Variants in B4GAT1 observed in about 807,000 individuals in gnomAD.
B4GAT1 encodes N-acetyllactosaminide beta-1,3-N-acetylglucosaminyltransferase.
In B4GAT1, 18 loss-of-function variants were observed where a neutral mutation model predicts 35.0. That is an observed-to-expected ratio of 0.51 (90% CI 0.36 to 0.76). The LOEUF (loss-of-function observed/expected upper bound fraction) is 0.76, where lower values mean the gene tolerates loss of function less well. Among genes scored for constraint, B4GAT1 ranks in the 30% least tolerant of loss-of-function variants. The pLI, the probability that B4GAT1 is intolerant of heterozygous loss-of-function variation, is 0.01. For synonymous variants in B4GAT1, 217 were observed against 251.6 expected, an observed-to-expected ratio of 0.86 and a Z score of 1.30; for missense variants, 458 against 555.0, an observed-to-expected ratio of 0.83 and a Z score of 1.76.
At position 66,346,917 on chromosome 11, in the gene B4GAT1, T is replaced by G; in HGVS notation, c.629A>C (p.Asn210Thr). Residue 210 changes from asparagine to threonine, a missense_variant, in exon 1 of 2, where the codon AAC (asparagine) becomes ACC (threonine). Physicochemically the swap from Asn to Thr is moderately conservative, Grantham distance 65 (BLOSUM62 0). Coordinates refer to ENST00000311181, the MANE Select transcript of B4GAT1 (RefSeq NM_006876.3). This position sits in a 1 kb window ranked among gnomAD's most constrained non-coding sequence, Gnocchi z 6.1. ...ALGTNVSYPN[N>T]LLRNLAREGA... ...CTCACGAGCCAGATTCCTCAGCAGG[T>G]TATTGGGGTAGGAGACATTGGTGCC... 5.0e-6 allele frequency: 8 copies of G among 1,613,588 alleles called. No homozygotes were observed. Among genetic ancestry groups the G allele is most frequent in the Non-Finnish European group, 6.8e-6 (8 of 1,179,934 alleles).
At position 66,346,552 on chromosome 11, in the gene B4GAT1, C is replaced by T. The variant is rs775935595; in HGVS notation, c.994G>A (p.Gly332Arg). 4 of 1,613,616 alleles carry T rather than the reference C, an allele frequency of 2.5e-6. No homozygotes were observed. Among genetic ancestry groups the T allele is most frequent in the Admixed American group, 3.3e-5 (2 of 60,020 alleles). ...TCGTCGAAGGTGGGCACCTTGCCTCCTGCCACGTAGAATGGCTCCCAGGGG... is the reference window on the plus strand; with the variant it reads ...TCGTCGAAGGTGGGCACCTTGCCTCTTGCCACGTAGAATGGCTCCCAGGGG... Reference protein sequence around the residue: ...QDPWEPFYVAGGKVPTFDERF... With the variant: ...QDPWEPFYVARGKVPTFDERF... The change falls in exon 1 of 2, where the codon GGA (glycine) becomes AGA (arginine). Residue 332 changes from glycine (G) to arginine (R), a missense_variant. Gly to Arg is a moderately radical substitution (Grantham distance 125). Coordinates refer to ENST00000311181, the MANE Select transcript of B4GAT1 (RefSeq NM_006876.3). The surrounding 1 kb of genome is among the most constrained non-coding windows in gnomAD (Gnocchi z 6.1).
chr11:66,346,514 C>T lies in B4GAT1; in HGVS notation c.1032G>A (p.Gln344=). The T allele has an allele frequency of 1.2e-6, 2 of 1,609,854 alleles. No individual in the cohort carries two copies. The highest frequency in any genetic ancestry group is 2.2e-5 in the South Asian group (2 of 90,844). The stretch of plus-strand genomic sequence containing the variant: ...CCTGGCTGATTCGGTTGAAGCCGTA[C>T]TGCCGAAAGCGCTCGTCGAAGGTGG... ...KVPTFDERFR[Q]YGFNRISQAC... Residue 344 remains glutamine (Q), a synonymous_variant, in exon 1 of 2, where the codon CAG becomes CAA. Coordinates refer to ENST00000311181, the MANE Select transcript of B4GAT1 (RefSeq NM_006876.3). This position sits in a 1 kb window ranked among gnomAD's most constrained non-coding sequence, Gnocchi z 6.1.
chr11:66,345,888 G>A lies in B4GAT1; in HGVS notation c.*161C>T. Reference sequence around the variant, plus strand: ...ACTCAAGGCCACACAGCTAGTTAGTGGTAAAGCTAGGAATCGATCCCAGCA... The same window carrying A: ...ACTCAAGGCCACACAGCTAGTTAGTAGTAAAGCTAGGAATCGATCCCAGCA... On this transcript the variant is annotated 3_prime_UTR_variant, in exon 2 of 2. Coordinates refer to ENST00000311181, the MANE Select transcript of B4GAT1 (RefSeq NM_006876.3). 6.9e-6 allele frequency: 5 copies of A among 720,486 alleles called. No individual in the cohort carries two copies. The highest frequency in any genetic ancestry group is 2.6e-5 in the East Asian group (1 of 38,000). 44.6% of individuals were successfully genotyped at this position (720,486 alleles called of 1,614,324 possible). A position where few individuals can be genotyped will look rare whatever the true frequency, so the allele number is the denominator to read the frequency against.
rs1185633675 is a variant in B4GAT1, at chr11:66,345,374, T to A, written c.*675A>T. On this transcript the variant is annotated 3_prime_UTR_variant, in exon 2 of 2. Transcript: ENST00000311181. Reference sequence around the variant, plus strand: ...CTCAGGAGAGTAACGGAGCCAGCTGTGGGTGTGAACACGCATTTATTTACA... The same window carrying A: ...CTCAGGAGAGTAACGGAGCCAGCTGAGGGTGTGAACACGCATTTATTTACA... The A allele has an allele frequency of 6.6e-6, 1 of 152,236 alleles. No individual in the cohort carries two copies. The highest frequency in any genetic ancestry group is 1.5e-5 in the Non-Finnish European group (1 of 68,058). 9.4% of individuals were successfully genotyped at this position (152,236 alleles called of 1,614,324 possible).
Position 66,346,397 on chromosome 11 carries a change from A to G in B4GAT1, c.1056+93T>C. On this transcript the variant is annotated intron_variant, in intron 1 of 1. Transcript: ENST00000311181. The surrounding 1 kb of genome is among the most constrained non-coding windows in gnomAD (Gnocchi z 6.1). ...CCTGAACTATGATCCCTCCTGCTTC[A>G]TTGCCTCCTTTCCATCCAGGGCCAC... 1 of 1,539,754 alleles carries G rather than the reference A, an allele frequency of 6.5e-7. No individual in the cohort carries two copies. The highest frequency in any genetic ancestry group is 1.3e-5 in the South Asian group (1 of 79,502).
In B4GAT1 at chr11:66,345,937, C is replaced by G. The variant is rs766917755; in HGVS notation, c.*112G>C. Reference sequence around the variant, plus strand: ...CACCCCATATCCAAGTCCAGTGTTTCAACACCACAGCTACCTCTGTAAAGT... The same window carrying G: ...CACCCCATATCCAAGTCCAGTGTTTGAACACCACAGCTACCTCTGTAAAGT... On this transcript the variant is annotated 3_prime_UTR_variant, in exon 2 of 2. Coordinates refer to ENST00000311181, the MANE Select transcript of B4GAT1 (RefSeq NM_006876.3). The G allele has an allele frequency of 8.1e-7, 1 of 1,227,960 alleles. No homozygotes were observed. Among genetic ancestry groups the G allele is most frequent in the African/African-American group, 1.5e-5 (1 of 66,180 alleles). The allele number at this position is 1,227,960 out of a possible 1,614,324, so 76.1% of individuals were successfully genotyped here.
In B4GAT1 at chr11:66,347,139, G is replaced by T; in HGVS notation, c.407C>A (p.Thr136Lys). The T allele has an allele frequency of 1.3e-6, 2 of 1,593,306 alleles. No homozygotes were observed. Among genetic ancestry groups the T allele is most frequent in the African/African-American group, 1.3e-5 (1 of 74,608 alleles). The change falls in exon 1 of 2, where the codon ACG becomes AAG. Residue 136 changes from threonine to lysine, a missense_variant. Thr to Lys is a moderately conservative substitution (Grantham distance 78). Coordinates refer to ENST00000311181, the MANE Select transcript of B4GAT1 (RefSeq NM_006876.3). This position sits in a 1 kb window ranked among gnomAD's most constrained non-coding sequence, Gnocchi z 6.3. ...GCTGCTCAGCGCGTAGGCCAGCACC[G>T]TGGCCAGCTGCGCCTCCTCCTTGGT... ...AATKEEAQLA[T>K]VLAYALSSHC...
chr11:66,346,411 A>T lies in B4GAT1; in HGVS notation c.1056+79T>A. The T allele has an allele frequency of 6.5e-7, 1 of 1,543,436 alleles. No homozygotes were observed. The highest frequency in any genetic ancestry group is 2.3e-5 in the East Asian group (1 of 44,220). On this transcript the variant is annotated intron_variant, in intron 1 of 1. Transcript: ENST00000311181. The surrounding 1 kb of genome is among the most constrained non-coding windows in gnomAD (Gnocchi z 6.1). Reference sequence around the variant, plus strand: ...CCTCCTGCTTCATTGCCTCCTTTCCATCCAGGGCCACTCCTCATAACTCCC... The same window carrying T: ...CCTCCTGCTTCATTGCCTCCTTTCCTTCCAGGGCCACTCCTCATAACTCCC...
chr11:66,347,131 C>CTGCT lies in B4GAT1; in HGVS notation c.414_415insAGCA (p.Ala139SerfsTer50), dbSNP rs750375661. On this transcript the variant is annotated frameshift_variant, in exon 1 of 2. Transcript: ENST00000311181. LOFTEE classifies it high-confidence loss of function. The surrounding 1 kb of genome is among the most constrained non-coding windows in gnomAD (Gnocchi z 6.3). ...GGGCAGTGGCTGCTCAGCGCGTAGG[C>CTGCT]CAGCACCGTGGCCAGCTGCGCCTCC... The CTGCT allele has an allele frequency of 8.2e-6, 13 of 1,593,660 alleles. No homozygotes were observed. The highest frequency in any genetic ancestry group is 4.3e-6 in the Non-Finnish European group (5 of 1,171,536).
In B4GAT1 at chr11:66,345,749, A is replaced by T. The variant is rs1855199900; in HGVS notation, c.*300T>A. ...CTTCACATTTGTACGAAGCTTACAG[A>T]ATGTTTTCACATATAGCATCTCATC... On this transcript the variant is annotated 3_prime_UTR_variant, in exon 2 of 2. Transcript: ENST00000311181. 1 of 356,252 alleles carries T rather than the reference A, an allele frequency of 2.8e-6. No homozygotes were observed. The allele number at this position is 356,252 out of a possible 1,614,324, so 22.1% of individuals were successfully genotyped here.
Position 66,345,528 on chromosome 11 carries a change from A to C in B4GAT1, c.*521T>G, listed in dbSNP as rs1361626655. On this transcript the variant is annotated 3_prime_UTR_variant, in exon 2 of 2. Coordinates refer to ENST00000311181, the MANE Select transcript of B4GAT1 (RefSeq NM_006876.3). ...AAGGCGAAGCCCTGAGAGAACCAGG[A>C]ATTTTAGGCTTCTGTTCAAGAGCTA... The C allele has an allele frequency of 6.6e-6, 1 of 152,564 alleles. No individual in the cohort carries two copies. Among genetic ancestry groups the C allele is most frequent in the Non-Finnish European group, 1.5e-5 (1 of 68,300 alleles). The allele number at this position is 152,564 out of a possible 1,614,324, so 9.5% of individuals were successfully genotyped here. A position where few individuals can be genotyped will look rare whatever the true frequency, so the allele number is the denominator to read the frequency against.
Position 66,347,516 on chromosome 11 carries a change from G to C in B4GAT1, c.30C>G (p.Ala10=), listed in dbSNP as rs1375971601. 2.0e-6 allele frequency: 3 copies of C among 1,504,088 alleles called. No individual in the cohort carries two copies. Among genetic ancestry groups the C allele is most frequent in the Non-Finnish European group, 1.8e-6 (2 of 1,128,642 alleles). The allele number at this position is 1,504,088 out of a possible 1,614,324, so 93.2% of individuals were successfully genotyped here. A position where few individuals can be genotyped will look rare whatever the true frequency, so the allele number is the denominator to read the frequency against. Residue 10 remains alanine, a synonymous_variant, in exon 1 of 2, where the codon GCC becomes GCG. Coordinates refer to ENST00000311181, the MANE Select transcript of B4GAT1 (RefSeq NM_006876.3). This position sits in a 1 kb window ranked among gnomAD's most constrained non-coding sequence, Gnocchi z 6.3. The part of the protein sequence containing the change: MQMSYAIRC[A]FYQLLLAALM... ...GCGCGGCCAGCAGCAGCTGGTAGAA[G>C]GCGCACCGGATGGCGTAGGACATCT...
rs1367398321 is a variant in B4GAT1 at position 66,347,027 on chromosome 11, C to T, written c.519G>A (p.Pro173=). 1.9e-6 allele frequency: 3 copies of T among 1,590,260 alleles called. No homozygotes were observed. Among genetic ancestry groups the T allele is most frequent in the Non-Finnish European group, 2.6e-6 (3 of 1,169,762 alleles). The change falls in exon 1 of 2, where the codon CCG becomes CCA. Residue 173 remains proline, a synonymous_variant. Transcript: ENST00000311181. The surrounding 1 kb of genome is among the most constrained non-coding windows in gnomAD (Gnocchi z 6.3). The stretch of plus-strand genomic sequence containing the variant: ...AGGACCGCAGCAGGGCAAACTCCCC[C>T]GGCTCCCGGGGGTCGGGCACGGCTG... ...YEAAVPDPRE[P]GEFALLRSCQ...
At position 66,346,380 on chromosome 11, in the gene B4GAT1, A is replaced by G; in HGVS notation, c.1056+110T>C. On this transcript the variant is annotated intron_variant, in intron 1 of 1. Coordinates refer to ENST00000311181, the MANE Select transcript of B4GAT1 (RefSeq NM_006876.3). This position sits in a 1 kb window ranked among gnomAD's most constrained non-coding sequence, Gnocchi z 6.1. ...ACACCATCCACCCACCTCCTGAACT[A>G]TGATCCCTCCTGCTTCATTGCCTCC... 2 of 1,538,660 alleles carry G rather than the reference A, an allele frequency of 1.3e-6. No homozygotes were observed. Among genetic ancestry groups the G allele is most frequent in the Non-Finnish European group, 1.7e-6 (2 of 1,143,438 alleles).
At position 66,346,103 on chromosome 11, in the gene B4GAT1, G is replaced by A. The variant is rs775251581; in HGVS notation, c.1194C>T (p.Arg398=). Residue 398 remains arginine (R), a synonymous_variant, in exon 2 of 2, where the codon CGC becomes CGT. Transcript: ENST00000311181. This position sits in a 1 kb window ranked among gnomAD's most constrained non-coding sequence, Gnocchi z 6.1. ...TGGCCTTCAACTCCTGTTTGAACTGGCGATATAGGATCTTATTGTGCTGAT... is the reference window on the plus strand; with the variant it reads ...TGGCCTTCAACTCCTGTTTGAACTGACGATATAGGATCTTATTGTGCTGAT... The part of the protein sequence containing the change: ...AENQHNKILY[R]QFKQELKAKY... 3 of 1,614,148 alleles carry A rather than the reference G, an allele frequency of 1.9e-6. No individual in the cohort carries two copies. The highest frequency in any genetic ancestry group is 2.5e-6 in the Non-Finnish European group (3 of 1,179,998).
rs1305638431 is a variant in B4GAT1, at chr11:66,346,319, G to A, written c.1057-79C>T. 5.1e-6 allele frequency: 8 copies of A among 1,569,404 alleles called. No individual in the cohort carries two copies. The African/African-American group carries it at 1.1e-4, about 21-fold the overall frequency. ...CTGACTTCCCTAAAGCCACAGTCCA[G>A]CGTCCTCACCCCTCTGGAAGTATCC... is the stretch of plus-strand genomic sequence containing the variant. On this transcript the variant is annotated intron_variant, in intron 1 of 1. Transcript: ENST00000311181. The surrounding 1 kb of genome is among the most constrained non-coding windows in gnomAD (Gnocchi z 6.1).
chr11:66,347,547 G>T lies in B4GAT1; in HGVS notation c.-2C>A. On this transcript the variant is annotated 5_prime_UTR_variant, in exon 1 of 2. Transcript: ENST00000311181. This position sits in a 1 kb window ranked among gnomAD's most constrained non-coding sequence, Gnocchi z 6.3. ...CCGGATGGCGTAGGACATCTGCATGGCTCTCGGGGCTCGGGGCGCGCAGCA... is the reference window on the plus strand; with the variant it reads ...CCGGATGGCGTAGGACATCTGCATGTCTCTCGGGGCTCGGGGCGCGCAGCA... 7.5e-7 allele frequency: 1 copy of T among 1,333,770 alleles called. No individual in the cohort carries two copies. Among genetic ancestry groups the T allele is most frequent in the East Asian group, 2.8e-5 (1 of 35,410 alleles). 82.6% of individuals were successfully genotyped at this position (1,333,770 alleles called of 1,614,324 possible).
rs779043130 is a variant in B4GAT1 at position 66,347,558 on chromosome 11, T to G, written c.-13A>C. ...AGGACATCTGCATGGCTCTCGGGGCTCGGGGCGCGCAGCAACGACCACCCG... is the reference window on the plus strand; with the variant it reads ...AGGACATCTGCATGGCTCTCGGGGCGCGGGGCGCGCAGCAACGACCACCCG... On this transcript the variant is annotated 5_prime_UTR_variant, in exon 1 of 2. Coordinates refer to ENST00000311181, the MANE Select transcript of B4GAT1 (RefSeq NM_006876.3). The surrounding 1 kb of genome is among the most constrained non-coding windows in gnomAD (Gnocchi z 6.3). The G allele has an allele frequency of 1.5e-6, 2 of 1,301,836 alleles. No individual in the cohort carries two copies. The highest frequency in any genetic ancestry group is 2.0e-6 in the Non-Finnish European group (2 of 1,022,368). The allele number at this position is 1,301,836 out of a possible 1,614,324, so 80.6% of individuals were successfully genotyped here. A position where few individuals can be genotyped will look rare whatever the true frequency, so the allele number is the denominator to read the frequency against.
rs1214678726 is a variant in B4GAT1 at position 66,345,392 on chromosome 11, TATTTACAC to T, written c.*649_*656del. 2.6e-5 allele frequency: 4 copies of T among 152,248 alleles called. No individual in the cohort carries two copies. Among genetic ancestry groups the T allele is most frequent in the Non-Finnish European group, 5.9e-5 (4 of 68,058 alleles). 9.4% of individuals were successfully genotyped at this position (152,248 alleles called of 1,614,324 possible). ...CCAGCTGTGGGTGTGAACACGCATT[TATTTACAC>T]ATTGTCATCGGTAGGCACATACCCA... On this transcript the variant is annotated 3_prime_UTR_variant, in exon 2 of 2. Transcript: ENST00000311181.
Sources: gnomAD v4.1 joint callset for allele counts on GRCh38, gnomAD v4.1.1 for gene constraint, Gnocchi (gnomAD v3.1) non-coding constraint, MANE v1.5 for transcripts, NCBI Gene and HGNC (gene_info 2026-07-23, HGNC 2026-07-21) for gene names.